SLC1A3: variants seen among roughly 807,000 people sequenced by gnomAD.
SLC1A3 encodes the protein excitatory amino acid transporter 1.
Under a neutral mutation model 48.1 loss-of-function variants are expected in SLC1A3, and 21 were observed. The ratio of observed to expected loss-of-function variants is 0.44; its 90% confidence interval spans 0.31 to 0.63. The LOEUF (loss-of-function observed/expected upper bound fraction) is 0.63. Among genes scored for constraint, SLC1A3 ranks in the 20% least tolerant of loss-of-function variants. The pLI is 0.08. For missense variants in SLC1A3, 546 were observed against 689.0 expected (o/e 0.79, Z 2.32); for synonymous variants, 239 against 251.4 (o/e 0.95, Z 0.47).
Position 36,674,107 on chromosome 5 carries a change from A to G in SLC1A3, c.567+16A>G, listed in dbSNP as rs1354533497. On this transcript the variant is annotated intron_variant, in intron 5 of 9. Transcript: ENST00000265113. The stretch of plus-strand genomic sequence containing the variant: ...CTTTAAACAGGTAAACACTCTACAG[A>G]CATTAACTTGCCTTTTAAATTCCTC... The G allele has an allele frequency of 6.2e-7, 1 of 1,606,028 alleles. No homozygotes were observed. Among genetic ancestry groups the G allele is most frequent in the African/African-American group, 1.3e-5 (1 of 74,748 alleles).
chr5:36,617,179 AG>A (rs1182082903), intron 2 of SLC1A3, among the ~76,000 whole-genome samples: 2 of 152,210 alleles, frequency 1.3e-5, no homozygotes, highest in African/African-American at 2.4e-5. Flanking sequence ...CCAAAAAAAA[AG>A]AAAGCGGTTT....
chr5:36,644,562 A>G (rs979722868), intron 3 of SLC1A3, among the ~76,000 whole-genome samples: 15 of 152,356 alleles, frequency 9.8e-5, no homozygotes, highest in African/African-American at 3.6e-4. Context: ...AATAGTTAAG[A>G]TGGCACATTT....
chr5:36,684,548 C>A (rs372649084), intron 9 of SLC1A3, among the ~76,000 whole-genome samples: 7 of 152,158 alleles, frequency 4.6e-5, no homozygotes, highest in African/African-American at 9.7e-5. Flanking sequence ...AAACTCTAAC[C>A]TCTACAGGCC....
intron 1 of SLC1A3, among the ~76,000 whole-genome samples, chr5:36,597,501 C>G (rs1172941699): frequency 6.6e-6 from 1 of 152,020 alleles, no homozygotes; most frequent in Admixed American, 6.5e-5. Flanking sequence ...CTCGGCCTCC[C>G]AAAGTGCTGG....
At position 36,677,076 on chromosome 5, in the gene SLC1A3, T is replaced by C. The variant is rs772737613; in HGVS notation, c.752T>C (p.Met251Thr). The change falls in exon 6 of 10, where the codon ATG becomes ACG. Residue 251 changes from methionine to threonine, a missense_variant. Physicochemically the swap from Met to Thr is moderately conservative, Grantham distance 81. This residue lies in a region of SLC1A3 where 348 missense variants were observed against 392.0 expected (regional missense o/e 0.89). Coordinates refer to ENST00000265113, the MANE Select transcript of SLC1A3 (RefSeq NM_004172.5). ...VNALGLVVFS[M>T]CFGFVIGNMK... ...GCCCTGGGTCTAGTTGTCTTCTCCA[T>C]GTGCTTCGGTTTTGTGATTGGAAAC... The C allele has an allele frequency of 9.9e-6, 16 of 1,614,044 alleles. No individual in the cohort carries two copies. Among genetic ancestry groups the C allele is most frequent in the Non-Finnish European group, 1.4e-5 (16 of 1,179,990 alleles).
chr5:36,607,667 T>C (rs1404275382), intron 1 of SLC1A3, among the ~76,000 whole-genome samples: 1 of 152,322 alleles, frequency 6.6e-6, no homozygotes, highest in South Asian at 2.1e-4. Flanking sequence ...AGATGATTTA[T>C]AGATGTGCCC....
At chr5:36,670,841 A>T in intron 3 of SLC1A3, 188 bp from the exon 4 acceptor site, 2 of 637,062 alleles carry the variant, frequency 3.1e-6, no homozygotes, top group South Asian at 3.6e-5. Flanking sequence ...CTGATGCCTC[A>T]CCATTCTAGC....
At chr5:36,608,776 A>G (rs1739072555) in intron 2 of SLC1A3, 172 bp downstream of exon 2, 3 of 1,437,378 alleles carry the variant, frequency 2.1e-6, no homozygotes, top group East Asian at 5.0e-5. Context: ...GCTTGTTTGG[A>G]GCAATATATA....
At chr5:36,649,946 A>G (rs1410416728) in intron 3 of SLC1A3, among the ~76,000 whole-genome samples, 1 of 152,236 alleles carries the variant, frequency 6.6e-6, no homozygotes, top group Non-Finnish European at 1.5e-5. Flanking sequence ...TTCCAAAAAC[A>G]ATTAATTATA....
At position 36,643,067 on chromosome 5, in the gene SLC1A3, T is replaced by C. The variant is rs79922747; in HGVS notation, c.319+13480T>C. Among the ~76,000 whole-genome samples the C allele has an allele frequency of 9.3e-4, 142 of 152,330 alleles. 1 individual carries two copies. In the East Asian group the frequency reaches 0.026, roughly 28 times the overall value. ...GAATATTATCCATTCATTAGTTAGA[T>C]ATTTGGGTTTTTCCTATTTTTTGGT... On this transcript the variant is annotated intron_variant, in intron 3 of 9. Transcript: ENST00000265113.
Position 36,677,172 on chromosome 5 carries a change from C to T in SLC1A3, c.848C>T (p.Ala283Val). The T allele has an allele frequency of 6.2e-7, 1 of 1,613,166 alleles. No homozygotes were observed. ...SLNEAIMRLV[A>V]VIMWYAPVGI... Reference sequence around the variant, plus strand: ...AACGAAGCCATCATGAGACTGGTAGCAGTAATAATGTGGTATGTATTTCCA... The same window carrying T: ...AACGAAGCCATCATGAGACTGGTAGTAGTAATAATGTGGTATGTATTTCCA... Residue 283 changes from alanine to valine, a missense_variant, in exon 6 of 10, where the codon GCA becomes GTA. By Grantham distance (64) the Ala-to-Val change is moderately conservative. This residue lies in a region of SLC1A3 where 348 missense variants were observed against 392.0 expected (regional missense o/e 0.89). Coordinates refer to ENST00000265113, the MANE Select transcript of SLC1A3 (RefSeq NM_004172.5).
In SLC1A3 at chr5:36,600,601, G is replaced by A. The variant is rs62354610; in HGVS notation, c.-96+3923G>A. 8.7e-3 allele frequency among the ~76,000 whole-genome samples: 1,327 copies of A among 152,298 alleles called. 6 individuals are homozygous for A. The highest frequency in any genetic ancestry group is 0.014 in the Non-Finnish European group (937 of 68,022). The stretch of plus-strand genomic sequence containing the variant: ...GATCCATCCTTCCTGGGGAGGCAGT[G>A]GGATGAGGAAGGAGGCTTGCATTTG... On this transcript the variant is annotated intron_variant, in intron 1 of 9. Coordinates refer to the SLC1A3 transcript ENST00000680318.
At chr5:36,672,148 G>A (rs1426137453) in intron 4 of SLC1A3, among the ~76,000 whole-genome samples, 2 of 152,194 alleles carry the variant, frequency 1.3e-5, no homozygotes, top group African/African-American at 2.4e-5. Context: ...GCCTTGGGAG[G>A]GAAGGGCCTC....
chr5:36,685,191 T>A (rs1346190316), intron 9 of SLC1A3, among the ~76,000 whole-genome samples: 1 of 152,262 alleles, frequency 6.6e-6, no homozygotes, highest in Non-Finnish European at 1.5e-5. Flanking sequence ...GAATTTATTA[T>A]CATCTTTAAA....
chr5:36,634,793 C>A (rs1171510367), intron 3 of SLC1A3, among the ~76,000 whole-genome samples: 2 of 152,154 alleles, frequency 1.3e-5, no homozygotes, highest in Non-Finnish European at 2.9e-5. Context: ...AAATGTGGGA[C>A]TCAATGACTG....
chr5:36,639,785 A>T (rs1740538287), intron 3 of SLC1A3, among the ~76,000 whole-genome samples: 1 of 152,244 alleles, frequency 6.6e-6, no homozygotes, highest in African/African-American at 2.4e-5. Context: ...TGTGTAAGTA[A>T]AATAGAAAAT....
intron 3 of SLC1A3, among the ~76,000 whole-genome samples, chr5:36,637,582 T>A (rs1261972970): frequency 6.6e-6 from 1 of 152,192 alleles, no homozygotes; most frequent in East Asian, 1.9e-4. Flanking sequence ...AAAATAAGAT[T>A]TTCCACCCTT....
intron 3 of SLC1A3, among the ~76,000 whole-genome samples, chr5:36,661,162 A>G (rs1741494757): frequency 6.6e-6 from 1 of 152,262 alleles, no homozygotes; most frequent in Non-Finnish European, 1.5e-5. Flanking sequence ...CTGTAATCTC[A>G]GCACTTTGGG....
intron 2 of SLC1A3, among the ~76,000 whole-genome samples, chr5:36,614,787 G>A (rs1176132188): frequency 6.6e-6 from 1 of 152,190 alleles, no homozygotes; most frequent in Non-Finnish European, 1.5e-5. Flanking sequence ...ACTCTGGTCA[G>A]AGTGGGGGCT....
Sources: allele counts gnomAD v4.1 joint callset (sites outside exome capture counted in the v4.1 genomes callset), GRCh38; gene constraint gnomAD v4.1.1; regional missense constraint gnomAD v4.1.1; transcripts MANE v1.5; gene names NCBI Gene and HGNC (gene_info 2026-07-23, HGNC 2026-07-21).